SPIN1: variants seen among roughly 807,000 people sequenced by gnomAD.
SPIN1 encodes the protein spindlin 1, also known as spindlin-1.
In SPIN1, 3 loss-of-function variants were observed where a neutral mutation model predicts 26.0. The observed-to-expected ratio is 0.12, with a 90% CI of 0.05 to 0.30. The LOEUF is 0.30. Among genes scored for constraint, SPIN1 ranks in the 10% least tolerant of loss-of-function variants. The pLI is 1.00. For synonymous variants in SPIN1, 101 were observed against 116.5 expected (o/e 0.87, Z 0.86); for missense variants, 126 against 333.4 (o/e 0.38, Z 4.84).
intron 2 of SPIN1, among the ~76,000 whole-genome samples, chr9:88,429,524 T>C (rs1827824273): frequency 6.6e-6 from 1 of 152,116 alleles, no homozygotes; most frequent in Non-Finnish European, 1.5e-5. Context: ...TACCAGTTTA[T>C]TATAAAGGGT....
chr9:88,448,096 T>A (rs1828286771), intron 2 of SPIN1, among the ~76,000 whole-genome samples: 1 of 150,966 alleles, frequency 6.6e-6, no homozygotes, highest in Non-Finnish European at 1.5e-5. Flanking sequence ...CAGGCTGGAG[T>A]GCAGTAGTGC....
chr9:88,442,419 T>C (rs893528209), intron 2 of SPIN1, among the ~76,000 whole-genome samples: 2 of 149,534 alleles, frequency 1.3e-5, no homozygotes, highest in Non-Finnish European at 2.9e-5. Flanking sequence ...TCCTTTTTTT[T>C]TTTTGAAGAC....
At chr9:88,390,775 A>T (rs1826903112) in intron 1 of SPIN1, among the ~76,000 whole-genome samples, 1 of 152,228 alleles carries the variant, frequency 6.6e-6, no homozygotes, top group African/African-American at 2.4e-5. Flanking sequence ...TCCAAGTCAG[A>T]ACAGTCTGGG....
intron 4 of SPIN1, 74 bp downstream of exon 4, chr9:88,462,823 A>G: frequency 6.9e-7 from 1 of 1,446,154 alleles, no homozygotes. Context: ...TTTATTTTAC[A>G]TTATTAATAC....
chr9:88,406,509 G>A (rs1217731726), intron 1 of SPIN1, among the ~76,000 whole-genome samples: 1 of 151,776 alleles, frequency 6.6e-6, no homozygotes, highest in Non-Finnish European at 1.5e-5. Context: ...AGCCAGCATG[G>A]TCTCCATCTT....
At chr9:88,444,205 C>T (rs1353963378) in intron 2 of SPIN1, among the ~76,000 whole-genome samples, 1 of 147,774 alleles carries the variant, frequency 6.8e-6, no homozygotes, top group African/African-American at 2.5e-5. Flanking sequence ...TTTTCAGGAG[C>T]TGCTTTCCCT....
chr9:88,464,406 T>C (rs1243866019), intron 4 of SPIN1, among the ~76,000 whole-genome samples: 1 of 152,176 alleles, frequency 6.6e-6, no homozygotes, highest in African/African-American at 2.4e-5. Flanking sequence ...AGAGTATAAT[T>C]AAAATTATGT....
chr9:88,430,924 C>T (rs1827856379), intron 2 of SPIN1, among the ~76,000 whole-genome samples: 1 of 149,424 alleles, frequency 6.7e-6, no homozygotes, highest in African/African-American at 2.5e-5. Flanking sequence ...CTCTTGTTGC[C>T]CAGGCTGGAG....
At chr9:88,473,728 GGGTCCT>G in intron 5 of SPIN1, among the ~76,000 whole-genome samples, 1 of 152,190 alleles carries the variant, frequency 6.6e-6, no homozygotes, top group African/African-American at 2.4e-5. Flanking sequence ...ATTTCTGAAA[GGGTCCT>G]GGTCGCGTAC....
At chr9:88,467,493 C>G (rs1372882748) in intron 4 of SPIN1, among the ~76,000 whole-genome samples, 4 of 152,128 alleles carry the variant, frequency 2.6e-5, no homozygotes, top group African/African-American at 7.2e-5. Flanking sequence ...CAAAAGGAAC[C>G]GGCCTTCTGA....
intron 2 of SPIN1, among the ~76,000 whole-genome samples, chr9:88,427,598 TTC>T (rs1827788181): frequency 6.6e-6 from 1 of 152,078 alleles, no homozygotes; most frequent in African/African-American, 2.4e-5. Flanking sequence ...TTTTTTCTTT[TTC>T]TCTCTTTTTT....
intron 1 of SPIN1, among the ~76,000 whole-genome samples, chr9:88,402,946 C>T (rs914542306): frequency 9.9e-5 from 15 of 152,070 alleles, no homozygotes; most frequent in South Asian, 2.1e-4. Flanking sequence ...CCCTTTTCTC[C>T]GCATCCTTGC....
intron 2 of SPIN1, among the ~76,000 whole-genome samples, chr9:88,443,050 G>T (rs1248472599): frequency 6.7e-6 from 1 of 149,888 alleles, no homozygotes; most frequent in Non-Finnish European, 1.5e-5. Flanking sequence ...AACCTGGGAG[G>T]CAGAGGTTGC....
At chr9:88,402,947 G>C (rs948718631) in intron 1 of SPIN1, among the ~76,000 whole-genome samples, 1 of 151,960 alleles carries the variant, frequency 6.6e-6, no homozygotes, top group African/African-American at 2.4e-5. Context: ...CCTTTTCTCC[G>C]CATCCTTGCC....
At chr9:88,445,645 C>T (rs557874134) in intron 2 of SPIN1, among the ~76,000 whole-genome samples, 3 of 150,928 alleles carry the variant, frequency 2.0e-5, no homozygotes, top group East Asian at 1.9e-4. Flanking sequence ...TGGGTTCAAG[C>T]GATTCTCTTG....
At chr9:88,471,436 G>A (rs573910289) in intron 5 of SPIN1, among the ~76,000 whole-genome samples, 8 of 151,942 alleles carry the variant, frequency 5.3e-5, no homozygotes, top group Admixed American at 1.3e-4. Flanking sequence ...AGGCCAAGGC[G>A]GGTGGATCAC....
At chr9:88,402,248 C>CTTGGG (rs1827202084) in intron 1 of SPIN1, among the ~76,000 whole-genome samples, 1 of 152,180 alleles carries the variant, frequency 6.6e-6, no homozygotes, top group Admixed American at 6.5e-5. Context: ...CTGCCTCAGC[C>CTTGGG]TCCCAAAGTG....
intron 1 of SPIN1, among the ~76,000 whole-genome samples, chr9:88,412,481 A>AG (rs1827470667): frequency 6.6e-6 from 1 of 152,084 alleles, no homozygotes; most frequent in African/African-American, 2.4e-5. Flanking sequence ...AAAGACCCAG[A>AG]GAGACTGCTT....
chr9:88,470,281 T>G (rs7870299), intron 5 of SPIN1, among the ~76,000 whole-genome samples: 36,344 of 152,182 alleles, frequency 0.24, 6,844 homozygotes, highest in African/African-American at 0.53. Flanking sequence ...GTAAACATTT[T>G]TGTACAAGTT....
Sources: gnomAD v4.1 joint callset for allele counts (sites outside exome capture counted in the v4.1 genomes callset) on GRCh38, gnomAD v4.1.1 for gene constraint, MANE v1.5 for transcripts, NCBI Gene and HGNC (gene_info 2026-07-23, HGNC 2026-07-21) for gene names.